The following ZC3H12B variants were observed in gnomAD, a reference collection of about 807,000 sequenced individuals.
ZC3H12B encodes probable ribonuclease ZC3H12B.
A neutral mutation model predicts 43.9 loss-of-function variants in ZC3H12B; 7 were observed. The observed-to-expected ratio is 0.16, with a 90% confidence interval of 0.09 to 0.30. The LOEUF (loss-of-function observed/expected upper bound fraction) is 0.30. Ranked by LOEUF, ZC3H12B falls within the 10% of genes least tolerant of loss-of-function variation. The pLI is 1.00. For synonymous variants in ZC3H12B, 222 were observed against 241.7 expected (o/e 0.92, Z 0.76); for missense variants, 475 against 670.2 (o/e 0.71, Z 3.22).
At chrX:65,090,776 A>ATTGTAAT in the ZC3H12B span, among the ~76,000 whole-genome samples, 1 of 111,549 alleles carries the variant, frequency 9.0e-6, no homozygotes, top group African/African-American at 3.3e-5. Flanking sequence ...CTCATACTGA[A>ATTGTAAT]TTGTAATCCC....
At chrX:65,506,611 A>G (rs1209308164) in exon 5 of ZC3H12B, 3 of 112,086 alleles carry the variant, frequency 2.7e-5, no homozygotes, top group African/African-American at 9.7e-5. Context: ...GGTGCTTTGT[A>G]ATTTTAATTA....
At position 65,502,208 on chromosome X, in the gene ZC3H12B, A is replaced by G. The variant is rs371665604; in HGVS notation, c.1510A>G (p.Lys504Glu). 3.3e-6 allele frequency: 4 copies of G among 1,211,062 alleles called. No homozygotes were observed. The highest frequency in any genetic ancestry group is 4.5e-6 in the Non-Finnish European group (4 of 895,264). ...AGGATCCTCCCATTTCCCCCACCAG[A>G]AGGCCTCTTTGGAGCATATGGCCAG... Residue 504 changes from lysine to glutamate, a missense_variant, in exon 5 of 5, where the codon AAG (lysine) becomes GAG (glutamate). Transcript: ENST00000338957.
chrX:65,264,442 TTATG>T, the ZC3H12B span, among the ~76,000 whole-genome samples: 3 of 112,281 alleles, frequency 2.7e-5, no homozygotes, highest in African/African-American at 9.7e-5. Flanking sequence ...TACAAAACAT[TTATG>T]TACTCAGTTT....
the ZC3H12B span, among the ~76,000 whole-genome samples, chrX:65,260,045 A>G: frequency 9.0e-6 from 1 of 111,360 alleles, no homozygotes; most frequent in African/African-American, 3.3e-5. Context: ...CATAAGAATG[A>G]TACACTGGAC....
chrX:65,123,412 A>C, the ZC3H12B span, among the ~76,000 whole-genome samples: 1 of 111,160 alleles, frequency 9.0e-6, no homozygotes, highest in East Asian at 2.8e-4. Context: ...TGTCTCTGCC[A>C]GGCTTTGGTA....
chrX:65,307,090 G>T, the ZC3H12B span, among the ~76,000 whole-genome samples: 5 of 112,442 alleles, frequency 4.4e-5, no homozygotes, highest in Admixed American at 4.7e-4. Flanking sequence ...TGCTTGTGGT[G>T]ATAGTATTCT....
At chrX:65,290,082 A>T in the ZC3H12B span, among the ~76,000 whole-genome samples, 3 of 111,174 alleles carry the variant, frequency 2.7e-5, no homozygotes, top group Non-Finnish European at 5.7e-5. Context: ...CAACCTATTT[A>T]TCTGACAGGG....
At chrX:65,421,385 T>A (rs2067015331) in intron 3 of ZC3H12B, among the ~76,000 whole-genome samples, 1 of 112,179 alleles carries the variant, frequency 8.9e-6, no homozygotes, top group African/African-American at 3.2e-5. Context: ...CTCTACTCAA[T>A]CTGCCAGCCA....
At chrX:65,325,232 G>C in the ZC3H12B span, among the ~76,000 whole-genome samples, 1 of 110,823 alleles carries the variant, frequency 9.0e-6, no homozygotes, top group Non-Finnish European at 1.9e-5. Flanking sequence ...ACTCAACATA[G>C]TATTGAAAGT....
the ZC3H12B span, among the ~76,000 whole-genome samples, chrX:65,153,995 C>T: frequency 1.8e-5 from 2 of 111,212 alleles, no homozygotes; most frequent in Non-Finnish European, 3.8e-5. Flanking sequence ...AAACCAAACA[C>T]CGCATATTCT....
At chrX:65,441,727 A>G (rs1220685709) in intron 3 of ZC3H12B, among the ~76,000 whole-genome samples, 2 of 111,017 alleles carry the variant, frequency 1.8e-5, no homozygotes, top group Admixed American at 1.9e-4. Context: ...GGGTCCACAG[A>G]CTCCAGTTGG....
chrX:65,098,834 G>A, the ZC3H12B span, among the ~76,000 whole-genome samples: 1 of 107,980 alleles, frequency 9.3e-6, no homozygotes, highest in African/African-American at 3.4e-5. Context: ...GCTAGCTGCA[G>A]TTTTTTTTTT....
chrX:65,077,847 T>C, the ZC3H12B span, among the ~76,000 whole-genome samples: 1 of 112,312 alleles, frequency 8.9e-6, no homozygotes, highest in Non-Finnish European at 1.9e-5. Context: ...GCATTCTTGT[T>C]CCTCACATCT....
the ZC3H12B span, among the ~76,000 whole-genome samples, chrX:65,104,922 A>T: frequency 8.9e-6 from 1 of 111,941 alleles, no homozygotes; most frequent in Non-Finnish European, 1.9e-5. Context: ...CCAAAGGATT[A>T]TAAATCATTC....
At chrX:65,212,483 A>T in the ZC3H12B span, among the ~76,000 whole-genome samples, 7 of 68,404 alleles carry the variant, frequency 1.0e-4, no homozygotes, top group Admixed American at 2.5e-4. Flanking sequence ...TATAAATAAT[A>T]TATATTATAT....
the ZC3H12B span, among the ~76,000 whole-genome samples, chrX:65,241,178 G>A: frequency 8.9e-6 from 1 of 112,760 alleles, no homozygotes; most frequent in African/African-American, 3.2e-5. Context: ...CTGCAGAGGT[G>A]TCAGCCACCC....
At chrX:65,410,227 T>C (rs987128252) in intron 3 of ZC3H12B, among the ~76,000 whole-genome samples, 2 of 111,208 alleles carry the variant, frequency 1.8e-5, no homozygotes, top group Non-Finnish European at 3.8e-5. Flanking sequence ...GACAGTCTCT[T>C]TAATAAATGG....
At chrX:65,381,751 A>G (rs1868909752) in intron 2 of ZC3H12B, among the ~76,000 whole-genome samples, 1 of 112,173 alleles carries the variant, frequency 8.9e-6, no homozygotes, top group Non-Finnish European at 1.9e-5. Context: ...AACACATGCA[A>G]TAAAAAATGA....
chrX:65,368,213 A>C (rs17301374), intron 1 of ZC3H12B, among the ~76,000 whole-genome samples: 13,098 of 111,425 alleles, frequency 0.12, 821 homozygotes, highest in Non-Finnish European at 0.18. Flanking sequence ...GTTTCTGTCA[A>C]GTTTGTAAAC....
Sources: allele counts gnomAD v4.1 joint callset (sites outside exome capture counted in the v4.1 genomes callset), GRCh38; gene constraint gnomAD v4.1.1; transcripts MANE v1.5; gene names NCBI Gene and HGNC (gene_info 2026-07-23, HGNC 2026-07-21).